Variants in TMEM74 observed in about 807,000 individuals in gnomAD.
TMEM74 encodes the protein transmembrane protein 74.
TMEM74 carries 13 observed loss-of-function variants against 18.1 expected under a neutral mutation model. The ratio of observed to expected loss-of-function variants is 0.72; its 90% CI spans 0.47 to 1.14. The LOEUF is 1.14. Ranked by LOEUF, TMEM74 falls within the 50% of genes most tolerant of loss-of-function variation. The pLI, the probability that TMEM74 is intolerant of heterozygous loss-of-function variation, is 0.00. For synonymous variants in TMEM74, 159 were observed against 146.6 expected (o/e 1.08, Z -0.61); for missense variants, 372 against 375.9 (o/e 0.99, Z 0.09).
At chr8:108,726,214 A>G (rs567046777) in intron 1 of TMEM74, among the ~76,000 whole-genome samples, 3 of 152,258 alleles carry the variant, frequency 2.0e-5, no homozygotes, top group South Asian at 2.1e-4. Flanking sequence ...TAAAACCTCT[A>G]TACCTAATGG....
chr8:108,652,537 C>T (rs1489485850), intron 2 of TMEM74: 1 of 528,398 alleles, frequency 1.9e-6, no homozygotes, highest in East Asian at 3.4e-5. Flanking sequence ...GGATGGTGCT[C>T]ATTCTCAAAC....
chr8:108,616,835 CT>C (rs1812388658), intron 2 of TMEM74, among the ~76,000 whole-genome samples: 1 of 151,840 alleles, frequency 6.6e-6, no homozygotes, highest in Non-Finnish European at 1.5e-5. Flanking sequence ...TGGTATTGTT[CT>C]TGTAAAATTC....
chr8:108,663,044 AG>A (rs1472010271), intron 1 of TMEM74, among the ~76,000 whole-genome samples: 1 of 152,088 alleles, frequency 6.6e-6, no homozygotes. Flanking sequence ...ATTTTAAAAT[AG>A]GGTTTTCTGC....
At chr8:108,669,301 T>A (rs1338334090) in intron 1 of TMEM74, among the ~76,000 whole-genome samples, 1 of 152,144 alleles carries the variant, frequency 6.6e-6, no homozygotes, top group East Asian at 1.9e-4. Context: ...GGTTGCAGCC[T>A]GCTCAAGAAG....
chr8:108,751,864 G>A (rs547948981), intron 1 of TMEM74, among the ~76,000 whole-genome samples: 74 of 152,160 alleles, frequency 4.9e-4, no homozygotes, highest in Non-Finnish European at 8.4e-4. Flanking sequence ...GAGAACATAC[G>A]AAATTATTCT....
At chr8:108,684,037 A>G (rs945093513) in intron 1 of TMEM74, among the ~76,000 whole-genome samples, 1 of 152,100 alleles carries the variant, frequency 6.6e-6, no homozygotes, top group Admixed American at 6.5e-5. Flanking sequence ...CATATCTTGG[A>G]TATTGTGAAT....
intron 2 of TMEM74, among the ~76,000 whole-genome samples, chr8:108,654,908 T>C (rs2130574638): frequency 6.6e-6 from 1 of 152,260 alleles, no homozygotes; most frequent in South Asian, 2.1e-4. Context: ...TATGGTCTAA[T>C]TACAGGAACC....
chr8:108,619,596 T>G (rs911972670), intron 2 of TMEM74, among the ~76,000 whole-genome samples: 4 of 152,166 alleles, frequency 2.6e-5, no homozygotes, highest in African/African-American at 9.7e-5. Flanking sequence ...GAACAAATAG[T>G]ACATTTTTCA....
chr8:108,716,034 A>T (rs1049101234), intron 1 of TMEM74, among the ~76,000 whole-genome samples: 33 of 152,046 alleles, frequency 2.2e-4, no homozygotes, highest in African/African-American at 7.7e-4. Flanking sequence ...AAAATTGATT[A>T]AAAAAAGAAA....
rs572202076 is a variant in TMEM74 at position 108,716,016 on chromosome 8, A to C, written n.120-60579T>G. 2.0e-5 allele frequency among the ~76,000 whole-genome samples: 3 copies of C among 152,254 alleles called. No individual in the cohort carries two copies. In the East Asian group the frequency reaches 5.8e-4, roughly 29 times the overall value. Reference sequence around the variant, plus strand: ...TAAACATGTTTATATGGCAAATGACATAGTATAAAAATTGATTAAAAAAAG... The same window carrying C: ...TAAACATGTTTATATGGCAAATGACCTAGTATAAAAATTGATTAAAAAAAG... On this transcript the variant is annotated intron_variant and non_coding_transcript_variant, in intron 1 of 3. Transcript: ENST00000518838.
At chr8:108,683,004 G>C (rs1186858291) in intron 1 of TMEM74, among the ~76,000 whole-genome samples, 1 of 151,476 alleles carries the variant, frequency 6.6e-6, no homozygotes, top group Non-Finnish European at 1.5e-5. Context: ...AGCTAAGGAT[G>C]GAATTAAAGA....
chr8:108,652,865 G>A, intron 2 of TMEM74: 1 of 517,368 alleles, frequency 1.9e-6, no homozygotes, highest in South Asian at 1.6e-5. Context: ...AAATCTAATA[G>A]GCCATTTTGG....
chr8:108,737,892 T>C (rs1004669930), intron 1 of TMEM74, among the ~76,000 whole-genome samples: 4 of 152,206 alleles, frequency 2.6e-5, no homozygotes, highest in Non-Finnish European at 5.9e-5. Context: ...TTTCAAAAAG[T>C]AGCACATAAT....
downstream of TMEM74, among the ~76,000 whole-genome samples, chr8:108,777,251 T>C (rs1424864484): frequency 3.3e-5 from 5 of 152,190 alleles, no homozygotes; most frequent in Admixed American, 3.3e-4. Context: ...TTATGCAAGA[T>C]ACTGCACATG....
intron 1 of TMEM74, among the ~76,000 whole-genome samples, chr8:108,699,419 C>T (rs866470839): frequency 6.6e-6 from 1 of 151,924 alleles, no homozygotes; most frequent in South Asian, 2.1e-4. Flanking sequence ...TGAGAGGTCA[C>T]ACTCTATGCC....
At chr8:108,705,389 G>A (rs1401578824) in intron 1 of TMEM74, among the ~76,000 whole-genome samples, 1 of 152,164 alleles carries the variant, frequency 6.6e-6, no homozygotes, top group Non-Finnish European at 1.5e-5. Flanking sequence ...GTGATTAGGA[G>A]AGAAAAAGGA....
intron 1 of TMEM74, among the ~76,000 whole-genome samples, chr8:108,749,158 AGTT>A (rs1032683902): frequency 1.0e-4 from 15 of 144,530 alleles, no homozygotes; most frequent in Non-Finnish European, 1.5e-4. Context: ...ATTTTAAAAT[AGTT>A]GTTGTTTTTT....
intron 1 of TMEM74, among the ~76,000 whole-genome samples, chr8:108,717,701 T>TA (rs1813540031): frequency 6.6e-6 from 1 of 151,850 alleles, no homozygotes; most frequent in African/African-American, 2.4e-5. Flanking sequence ...AATGGTCATG[T>TA]GGGGATTTGG....
At chr8:108,638,806 C>T (rs747490464) in intron 2 of TMEM74, among the ~76,000 whole-genome samples, 3 of 152,074 alleles carry the variant, frequency 2.0e-5, no homozygotes, top group African/African-American at 7.2e-5. Context: ...GTGGGCTGAT[C>T]GCATTAATAG....
Sources: gnomAD v4.1 joint callset for allele counts (sites outside exome capture counted in the v4.1 genomes callset) on GRCh38, gnomAD v4.1.1 for gene constraint, MANE v1.5 for transcripts, NCBI Gene and HGNC (gene_info 2026-07-23, HGNC 2026-07-21) for gene names.